Variants in DMRT3 observed in about 807,000 individuals in gnomAD.
The protein encoded by DMRT3 is doublesex and mab-3 related transcription factor 3.
A neutral mutation model predicts 34.9 loss-of-function variants in DMRT3; 29 were observed. The ratio of observed to expected loss-of-function variants is 0.83; its 90% CI spans 0.62 to 1.13. The LOEUF is 1.13. DMRT3 is among the 50% of genes most tolerant of loss of function. DMRT3 has a pLI of 0.00. For missense variants in DMRT3, 772 were observed against 629.1 expected (o/e 1.23, Z -2.43); for synonymous variants, 350 against 286.0 (o/e 1.22, Z -2.26).
Position 977,147 on chromosome 9 carries a change from G to T in DMRT3, c.146G>T (p.Arg49Leu). Reference sequence around the variant, plus strand: ...CTCAAGGGCCACAAGCGTTACTGCCGCTTCAAGGACTGCACCTGCGAGAAG... The same window carrying T: ...CTCAAGGGCCACAAGCGTTACTGCCTCTTCAAGGACTGCACCTGCGAGAAG... ...SWLKGHKRYC[R>L]FKDCTCEKCI... The change falls in exon 1 of 2, where the codon CGC becomes CTC. Residue 49 changes from arginine (R) to leucine (L), a missense_variant. By Grantham distance (102) the Arg-to-Leu change is moderately radical. Transcript: ENST00000190165. 1.9e-6 allele frequency: 3 copies of T among 1,611,542 alleles called. No homozygotes were observed. The highest frequency in any genetic ancestry group is 1.3e-5 in the African/African-American group (1 of 74,964).
At chr9:980,099 T>C (rs981155126) in intron 1 of DMRT3, among the ~76,000 whole-genome samples, 16 of 150,516 alleles carry the variant, frequency 1.1e-4, no homozygotes, top group Admixed American at 6.6e-4. Context: ...GATTTTTTTT[T>C]CTTGTAAACA....
chr9:983,029 T>G (rs1820240977), intron 1 of DMRT3, among the ~76,000 whole-genome samples: 1 of 152,194 alleles, frequency 6.6e-6, no homozygotes, highest in South Asian at 2.1e-4. Flanking sequence ...TGTGATTGTG[T>G]CAGTTACGTC....
At position 991,013 on chromosome 9, in the gene DMRT3, C is replaced by T. The variant is rs1820357569; in HGVS notation, c.*8C>T. 3.1e-6 allele frequency: 5 copies of T among 1,598,326 alleles called. No homozygotes were observed. The highest frequency in any genetic ancestry group is 2.2e-5 in the South Asian group (2 of 89,670). ...CTCAACACATCATCTTAAAGTGGTG[C>T]TGGATGGGTGGTGGCCAGGTGACAT... On this transcript the variant is annotated 3_prime_UTR_variant, in exon 2 of 2. Transcript: ENST00000190165.
intron 1 of DMRT3, among the ~76,000 whole-genome samples, chr9:983,306 T>C (rs1176102435): frequency 1.3e-5 from 2 of 152,182 alleles, no homozygotes; most frequent in African/African-American, 2.4e-5. Context: ...TCCACGTTTT[T>C]CCCACTGATT....
rs376961643 is a variant in DMRT3, at chr9:990,345, A to G, written c.759A>G (p.Glu253=). ...TGAAAGCCAACAGACCGCCGCTTGA[A>G]GTGTTAAAAAAGATATTCCCCAACC... ...FSLKANRPPL[E]VLKKIFPNQK... Residue 253 remains glutamate (E), a synonymous_variant, in exon 2 of 2, where the codon GAA becomes GAG. Transcript: ENST00000190165. The G allele has an allele frequency of 1.2e-6, 2 of 1,613,832 alleles. No individual in the cohort carries two copies. Among genetic ancestry groups the G allele is most frequent in the African/African-American group, 2.7e-5 (2 of 74,998 alleles).
At chr9:982,323 G>GTTCCA (rs1384829812) in intron 1 of DMRT3, among the ~76,000 whole-genome samples, 1 of 152,222 alleles carries the variant, frequency 6.6e-6, no homozygotes, top group Non-Finnish European at 1.5e-5. Flanking sequence ...ACGAGAGTGT[G>GTTCCA]TTCCACGTCT....
Position 977,117 on chromosome 9 carries a change from C to A in DMRT3, c.116C>A (p.Ser39Tyr). Residue 39 changes from serine (S) to tyrosine (Y), a missense_variant, in exon 1 of 2, where the codon TCC becomes TAC. Physicochemically the swap from Ser to Tyr is moderately radical, Grantham distance 144. Transcript: ENST00000190165. ...CARCRNHGVLSWLKGHKRYCR... is the reference protein window; with the variant it reads ...CARCRNHGVLYWLKGHKRYCR... ...CGCTGCCGCAACCATGGCGTCCTGTCCTGGCTCAAGGGCCACAAGCGTTAC... is the reference window on the plus strand; with the variant it reads ...CGCTGCCGCAACCATGGCGTCCTGTACTGGCTCAAGGGCCACAAGCGTTAC... 1 of 1,610,034 alleles carries A rather than the reference C, an allele frequency of 6.2e-7. No individual in the cohort carries two copies.
At chr9:978,154 C>G (rs1449848804) in intron 1 of DMRT3, among the ~76,000 whole-genome samples, 3 of 152,196 alleles carry the variant, frequency 2.0e-5, no homozygotes, top group Non-Finnish European at 2.9e-5. Flanking sequence ...AGAATTCACT[C>G]CTTTGCAGAA....
In DMRT3 at chr9:990,709, A is replaced by G. The variant is rs1820349849; in HGVS notation, c.1123A>G (p.Thr375Ala). The G allele has an allele frequency of 1.2e-6, 2 of 1,613,962 alleles. No individual in the cohort carries two copies. Among genetic ancestry groups the G allele is most frequent in the Non-Finnish European group, 8.5e-7 (1 of 1,180,000 alleles). ...CCGGTACCCGCTGATGCTGAGGAAT[A>G]CTTTGGCGAGAAGCCAGTCGAGCCC... Reference protein sequence around the residue: ...PPRYPLMLRNTLARSQSSPFL... With the variant: ...PPRYPLMLRNALARSQSSPFL... Residue 375 changes from threonine to alanine, a missense_variant, in exon 2 of 2, where the codon ACT (threonine) becomes GCT (alanine). Transcript: ENST00000190165.
At chr9:983,204 T>TA (rs1390272337) in intron 1 of DMRT3, among the ~76,000 whole-genome samples, 1 of 152,152 alleles carries the variant, frequency 6.6e-6, no homozygotes, top group Non-Finnish European at 1.5e-5. Context: ...ATGAAAAACT[T>TA]AAGAGTCGGC....
At position 991,014 on chromosome 9, in the gene DMRT3, T is replaced by C; in HGVS notation, c.*9T>C. On this transcript the variant is annotated 3_prime_UTR_variant, in exon 2 of 2. Coordinates refer to ENST00000190165, the MANE Select transcript of DMRT3 (RefSeq NM_021240.4). ...TCAACACATCATCTTAAAGTGGTGC[T>C]GGATGGGTGGTGGCCAGGTGACATT... 2 of 1,597,232 alleles carry C rather than the reference T, an allele frequency of 1.3e-6. No homozygotes were observed. Among genetic ancestry groups the C allele is most frequent in the Non-Finnish European group, 1.7e-6 (2 of 1,168,010 alleles).
rs536805111 is a variant in DMRT3, at chr9:981,950, C to T, written c.454+4495C>T. On this transcript the variant is annotated intron_variant, in intron 1 of 1. Transcript: ENST00000190165. ...CTTGGGCCACCACTCCCTCTCTGCT[C>T]TTCCTGAGCTTCACTACCCTCTCCT... Among the ~76,000 whole-genome samples the T allele has an allele frequency of 3.3e-5, 5 of 152,334 alleles. No homozygotes were observed. In the East Asian group the frequency reaches 9.7e-4, roughly 29 times the overall value.
Position 990,438 on chromosome 9 carries a change from C to A in DMRT3, c.852C>A (p.Val284=). The change falls in exon 2 of 2, where the codon GTC becomes GTA. Residue 284 remains valine (V), a synonymous_variant. Transcript: ENST00000190165. ...GGGACCTGGTGAGCGCCGTGGAAGT[C>A]CTTCTGTCCAGCCGATCCTCAGTCA... The part of the protein sequence containing the change: ...CGGDLVSAVE[V]LLSSRSSVTG... 6.2e-7 allele frequency: 1 copy of A among 1,614,132 alleles called. No homozygotes were observed. Among genetic ancestry groups the A allele is most frequent in the African/African-American group, 1.3e-5 (1 of 75,032 alleles).
chr9:984,088 G>A (rs7035882), intron 1 of DMRT3, among the ~76,000 whole-genome samples: 4,566 of 152,154 alleles, frequency 0.03, 246 homozygotes, highest in African/African-American at 0.1. Context: ...AATGTGAAGC[G>A]TTTGTCTACG....
chr9:978,014 TG>T (rs1820174063), intron 1 of DMRT3, among the ~76,000 whole-genome samples: 1 of 152,196 alleles, frequency 6.6e-6, no homozygotes, highest in South Asian at 2.1e-4. Context: ...CTCAGAACCC[TG>T]GCCTTTCTAG....
chr9:990,225 C>T lies in DMRT3; in HGVS notation c.639C>T (p.Asn213=), dbSNP rs1462294659. ...ACGCTGTCCAGAAAAACGGAGGCAA[C>T]CCCGAGAGCCGCCCTGACAGCCCCA... is the stretch of plus-strand genomic sequence containing the variant. ...GGYAVQKNGG[N]PESRPDSPKC... Residue 213 remains asparagine (N), a synonymous_variant, in exon 2 of 2, where the codon AAC becomes AAT. Transcript: ENST00000190165. 1 of 1,613,944 alleles carries T rather than the reference C, an allele frequency of 6.2e-7. No individual in the cohort carries two copies. Among genetic ancestry groups the T allele is most frequent in the Non-Finnish European group, 8.5e-7 (1 of 1,180,028 alleles).
intron 1 of DMRT3, 66 bp from the exon 2 acceptor site, chr9:989,975 T>G (rs1373189272): frequency 6.3e-7 from 1 of 1,579,970 alleles, no homozygotes; most frequent in Admixed American, 1.8e-5. Context: ...ACAGGTCTCT[T>G]CTGAGCACAT....
At chr9:979,038 C>T (rs1269582860) in intron 1 of DMRT3, among the ~76,000 whole-genome samples, 1 of 152,060 alleles carries the variant, frequency 6.6e-6, no homozygotes, top group Non-Finnish European at 1.5e-5. Flanking sequence ...TTTCCATTTC[C>T]AGCTTCTCTG....
Position 990,618 on chromosome 9 carries a change from C to T in DMRT3, c.1032C>T (p.Ala344=), listed in dbSNP as rs766101082. The T allele has an allele frequency of 1.2e-5, 19 of 1,613,948 alleles. 1 individual carries two copies. The highest frequency in any genetic ancestry group is 9.3e-5 in the African/African-American group (7 of 74,878). The part of the protein sequence containing the change: ...FRVPDTLRFS[A]DSSNVVPSPL... Reference sequence around the variant, plus strand: ...TCCCAGACACGTTGAGGTTTTCTGCCGACTCTAGCAACGTTGTCCCCAGTC... The same window carrying T: ...TCCCAGACACGTTGAGGTTTTCTGCTGACTCTAGCAACGTTGTCCCCAGTC... Residue 344 remains alanine (A), a synonymous_variant, in exon 2 of 2, where the codon GCC becomes GCT. Transcript: ENST00000190165.
Sources: gnomAD v4.1 joint callset for allele counts (sites outside exome capture counted in the v4.1 genomes callset) on GRCh38, gnomAD v4.1.1 for gene constraint, MANE v1.5 for transcripts, NCBI Gene and HGNC (gene_info 2026-07-23, HGNC 2026-07-21) for gene names.